CAPN8: variants seen among roughly 807,000 people sequenced by gnomAD.
CAPN8 encodes calpain-8.
Under a neutral mutation model 80.9 loss-of-function variants are expected in CAPN8, and 87 were observed. That is an observed-to-expected ratio of 1.07 (90% CI 0.90 to 1.28). The LOEUF (loss-of-function observed/expected upper bound fraction) is 1.28, where lower values mean the gene tolerates loss of function less well. Ranked by LOEUF, CAPN8 falls within the 50% of genes most tolerant of loss-of-function variation. The probability of loss-of-function intolerance (pLI) is 0.00; values close to 1 mark genes in which losing one functional copy is unlikely to be tolerated. For missense variants in CAPN8, 757 were observed against 702.0 expected (o/e 1.08, Z -0.89); for synonymous variants, 299 against 273.8 (o/e 1.09, Z -0.91).
intron 2 of CAPN8, among the ~76,000 whole-genome samples, chr1:223,634,241 G>A (rs757972812): frequency 4.6e-5 from 7 of 152,144 alleles, no homozygotes; most frequent in Admixed American, 2.0e-4. Context: ...GGCACTGAAC[G>A]GAGGCTGTGA....
At chr1:223,645,413 C>T (rs1658161348) in intron 2 of CAPN8, among the ~76,000 whole-genome samples, 1 of 152,166 alleles carries the variant, frequency 6.6e-6, no homozygotes, top group Admixed American at 6.5e-5. Context: ...ATCAAGTTGA[C>T]ACTCGGTATT....
Position 223,620,346 on chromosome 1 carries a change from C to G in CAPN8, c.900-80G>C. On this transcript the variant is annotated intron_variant, in intron 7 of 20. Coordinates refer to ENST00000366872, the MANE Select transcript of CAPN8 (RefSeq NM_001143962.2). ...AAGCTGTTTACTGCAGCTAAGCTTCCCCCTAAGAGCCAGAAACAAAATACC... is the reference window on the plus strand; with the variant it reads ...AAGCTGTTTACTGCAGCTAAGCTTCGCCCTAAGAGCCAGAAACAAAATACC... 9 of 1,242,348 alleles carry G rather than the reference C, an allele frequency of 7.2e-6. 1 individual carries two copies. The highest frequency in any genetic ancestry group is 1.0e-5 in the Non-Finnish European group (9 of 871,270). 77.0% of individuals were successfully genotyped at this position (1,242,348 alleles called of 1,614,324 possible). A position where few individuals can be genotyped will look rare whatever the true frequency, so the allele number is the denominator to read the frequency against.
chr1:223,541,708 C>A lies in CAPN8; in HGVS notation c.*128G>T. On this transcript the variant is annotated 3_prime_UTR_variant, in exon 21 of 21. Transcript: ENST00000366872. ...ATAGCTCAGTGCTGCTGAAATAGAC[C>A]CAGGGCAAGAAAGGTATGAACAACC... The A allele has an allele frequency of 6.9e-7, 1 of 1,454,960 alleles. No homozygotes were observed. The highest frequency in any genetic ancestry group is 9.4e-7 in the Non-Finnish European group (1 of 1,061,420). The allele number at this position is 1,454,960 out of a possible 1,614,324, so 90.1% of individuals were successfully genotyped here. A position where few individuals can be genotyped will look rare whatever the true frequency, so the allele number is the denominator to read the frequency against.
intron 11 of CAPN8, among the ~76,000 whole-genome samples, chr1:223,611,055 G>A (rs1331204640): frequency 6.6e-6 from 1 of 152,164 alleles, no homozygotes. Flanking sequence ...CAGGATCCAG[G>A]GTGACACATT....
chr1:223,628,185 A>T (rs1657656329), intron 3 of CAPN8, 43 bp from the exon 4 acceptor site: 3 of 1,512,688 alleles, frequency 2.0e-6, no homozygotes, highest in Non-Finnish European at 2.7e-6. Flanking sequence ...GAATAAGCAG[A>T]TGTGTAAAGG....
At chr1:223,629,237 TTCC>T (rs1657703682) in intron 2 of CAPN8, among the ~76,000 whole-genome samples, 1 of 151,706 alleles carries the variant, frequency 6.6e-6, no homozygotes. Flanking sequence ...TGTGTTTATG[TTCC>T]TTGCCCCTCC....
At chr1:223,613,881 T>G (rs1157372627) in intron 10 of CAPN8, among the ~76,000 whole-genome samples, 1 of 152,236 alleles carries the variant, frequency 6.6e-6, no homozygotes, top group African/African-American at 2.4e-5. Flanking sequence ...CCTCTTAACC[T>G]GACTTTTAAA....
chr1:223,553,513 T>A (rs1656845953), intron 14 of CAPN8, among the ~76,000 whole-genome samples: 1 of 152,204 alleles, frequency 6.6e-6, no homozygotes, highest in African/African-American at 2.4e-5. Flanking sequence ...CCCAGCTTTT[T>A]ATTCAGAGAC....
chr1:223,550,503 A>T lies in CAPN8; in HGVS notation c.1699+457T>A, dbSNP rs563273724. 2.0e-5 allele frequency among the ~76,000 whole-genome samples: 3 copies of T among 152,254 alleles called. No homozygotes were observed. In the East Asian group the frequency reaches 5.8e-4, roughly 29 times the overall value. On this transcript the variant is annotated intron_variant, in intron 15 of 20. Coordinates refer to ENST00000366872, the MANE Select transcript of CAPN8 (RefSeq NM_001143962.2). ...CTCTGAGGCTTGCAAAAATCTGAAGATGGGGAACTGAGGACAGTCTAGGAG... is the reference window on the plus strand; with the variant it reads ...CTCTGAGGCTTGCAAAAATCTGAAGTTGGGGAACTGAGGACAGTCTAGGAG...
chr1:223,544,624 A>C, intron 18 of CAPN8, 148 bp downstream of exon 18: 1 of 1,068,744 alleles, frequency 9.4e-7, no homozygotes, highest in African/African-American at 1.6e-5. Flanking sequence ...CTGGACAGGG[A>C]AGGTACTCAA....
In CAPN8 at chr1:223,544,048, G is replaced by A. The variant is rs1656545843; in HGVS notation, c.2029+19C>T. ...ACCTTGGGATTAATAGGATGGGGCT[G>A]GAGGACAGAGTGACTCACTGAAGAG... is the stretch of plus-strand genomic sequence containing the variant. On this transcript the variant is annotated intron_variant, in intron 19 of 20. Transcript: ENST00000366872. 1 of 717,424 alleles carries A rather than the reference G, an allele frequency of 1.4e-6. No individual in the cohort carries two copies. Among genetic ancestry groups the A allele is most frequent in the South Asian group, 1.5e-5 (1 of 67,568 alleles). The allele number at this position is 717,424 out of a possible 1,614,324, so 44.4% of individuals were successfully genotyped here.
At chr1:223,654,019 C>T (rs969201252) in intron 2 of CAPN8, among the ~76,000 whole-genome samples, 20 of 152,140 alleles carry the variant, frequency 1.3e-4, no homozygotes, top group African/African-American at 4.6e-4. Context: ...ACAACAAAAA[C>T]ACAGTATAGC....
intron 4 of CAPN8, among the ~76,000 whole-genome samples, chr1:223,627,707 A>G (rs1256562046): frequency 6.6e-6 from 1 of 152,210 alleles, no homozygotes; most frequent in Non-Finnish European, 1.5e-5. Context: ...AAACGTTTAC[A>G]TTGCCCCAGG....
intron 14 of CAPN8, among the ~76,000 whole-genome samples, chr1:223,553,279 G>A (rs1656838546): frequency 6.6e-6 from 1 of 152,164 alleles, no homozygotes; most frequent in Admixed American, 6.5e-5. Context: ...AGGATCAGGG[G>A]TCGCTTCTTT....
At chr1:223,632,781 C>T (rs1307201703) in intron 2 of CAPN8, among the ~76,000 whole-genome samples, 2 of 152,220 alleles carry the variant, frequency 1.3e-5, no homozygotes, top group Non-Finnish European at 2.9e-5. Flanking sequence ...CAAGTCCCTC[C>T]TGGCCACCTT....
intron 2 of CAPN8, among the ~76,000 whole-genome samples, chr1:223,646,378 A>G (rs1053636011): frequency 1.1e-4 from 16 of 152,310 alleles, no homozygotes; most frequent in Admixed American, 1.0e-3. Context: ...GAGGGTGTAC[A>G]TCTCCCAGCC....
chr1:223,616,019 C>T lies in CAPN8; in HGVS notation c.1262G>A (p.Arg421Gln), dbSNP rs1389121191. 1.3e-5 allele frequency: 20 copies of T among 1,552,180 alleles called. No homozygotes were observed. The highest frequency in any genetic ancestry group is 3.9e-5 in the Admixed American group (2 of 51,004). ...AAGCATGCCTTGTCCTATCCGCTTC[C>T]GCCACCTGCGATTTTTCTGCATCAG... The part of the protein sequence containing the change: ...LGLMQKNRRW[R>Q]KRIGQGMLSI... The change falls in exon 10 of 21, where the codon CGG becomes CAG. Residue 421 changes from arginine (R) to glutamine (Q), a missense_variant. Arg to Gln is a conservative substitution (Grantham distance 43). Coordinates refer to ENST00000366872, the MANE Select transcript of CAPN8 (RefSeq NM_001143962.2).
intron 13 of CAPN8, among the ~76,000 whole-genome samples, chr1:223,557,535 A>G (rs1656932597): frequency 6.6e-6 from 1 of 152,196 alleles, no homozygotes; most frequent in Non-Finnish European, 1.5e-5. Flanking sequence ...CCATCTGAGA[A>G]CAACGACAGT....
chr1:223,552,795 A>G lies in CAPN8; in HGVS notation c.1641+1037T>C, dbSNP rs1384867142. Among the ~76,000 whole-genome samples the G allele has an allele frequency of 2.6e-5, 4 of 152,240 alleles. No individual in the cohort carries two copies. The East Asian group carries it at 5.8e-4, about 22-fold the overall frequency. ...AATACTGCCCCATGCAGCCAGAGAG[A>G]AAGGTAAGATAAAGTGCATGAAGAA... On this transcript the variant is annotated intron_variant, in intron 14 of 20. Transcript: ENST00000366872.
Sources: gnomAD v4.1 joint callset for allele counts (sites outside exome capture counted in the v4.1 genomes callset) on GRCh38, gnomAD v4.1.1 for gene constraint, MANE v1.5 for transcripts, NCBI Gene and HGNC (gene_info 2026-07-23, HGNC 2026-07-21) for gene names.